Variants in CEP128 observed in about 807,000 individuals in gnomAD.
The protein encoded by CEP128 is centrosomal protein 128kDa.
CEP128 carries 132 observed loss-of-function variants against 156.7 expected under a neutral mutation model. That is an observed-to-expected ratio of 0.84 (90% CI 0.73 to 0.97). The LOEUF is 0.97. Ranked by LOEUF, CEP128 falls within the 50% of genes least tolerant of loss-of-function variation. The pLI, the probability that CEP128 is intolerant of heterozygous loss-of-function variation, is 0.00. For synonymous variants in CEP128, 469 were observed against 448.9 expected, an observed-to-expected ratio of 1.04 and a Z score of -0.57; for missense variants, 1,252 against 1,281.9, an observed-to-expected ratio of 0.98 and a Z score of 0.36.
intron 8 of CEP128, among the ~76,000 whole-genome samples, chr14:80,895,262 G>C (rs2139393917): frequency 6.6e-6 from 1 of 152,164 alleles, no homozygotes; most frequent in South Asian, 2.1e-4. Flanking sequence ...GACAAAAACA[G>C]ACAGCAAAGA....
At chr14:80,939,347 T>A (rs1307320880) in intron 2 of CEP128, 38 bp downstream of exon 2, 1 of 149,148 alleles carries the variant, frequency 6.7e-6, no homozygotes, top group East Asian at 2.0e-4. Flanking sequence ...ATGCAAAAAA[T>A]GTGTTATCTC....
chr14:80,556,999 T>C (rs1890465497), intron 21 of CEP128, among the ~76,000 whole-genome samples: 1 of 152,210 alleles, frequency 6.6e-6, no homozygotes, highest in Non-Finnish European at 1.5e-5. Flanking sequence ...AGCATTTTAA[T>C]TTTTATGGTT....
At chr14:80,935,664 A>AAAAAAAAAC (rs1885759252) in intron 2 of CEP128, among the ~76,000 whole-genome samples, 1 of 147,496 alleles carries the variant, frequency 6.8e-6, no homozygotes, top group East Asian at 1.9e-4. Context: ...AAAAAAAAAA[A>AAAAAAAAAC]AAAACAGAAC....
At chr14:80,875,987 G>A (rs181304005) in intron 8 of CEP128, among the ~76,000 whole-genome samples, 2 of 152,186 alleles carry the variant, frequency 1.3e-5, no homozygotes, top group African/African-American at 4.8e-5. Context: ...TTATGGAGTT[G>A]AGGTGCTATA....
chr14:80,617,043 T>G (rs561856035), intron 19 of CEP128, among the ~76,000 whole-genome samples: 1 of 152,122 alleles, frequency 6.6e-6, no homozygotes, highest in African/African-American at 2.4e-5. Flanking sequence ...CTTCTGATAG[T>G]TGGGCTAGTA....
chr14:80,589,929 T>C (rs983987192), intron 19 of CEP128, among the ~76,000 whole-genome samples: 1 of 152,158 alleles, frequency 6.6e-6, no homozygotes, highest in Admixed American at 6.5e-5. Context: ...TTTAATATTA[T>C]ACCTTATTAA....
rs1555390012 is a variant in CEP128, at chr14:80,676,452, T to TTA, written c.2806+66622_2806+66623insTA. Among the ~76,000 whole-genome samples, 20 of 147,158 alleles carry TTA rather than the reference T, an allele frequency of 1.4e-4. No individual in the cohort carries two copies. The South Asian group carries it at 2.7e-3, about 20-fold the overall frequency. On this transcript the variant is annotated intron_variant, in intron 19 of 24. Transcript: ENST00000555265. ...ATTTCTATTAATTTGTGATTTTTTT[T>TTA]AAAAAAAAAATAATCAGATCATCTC...
intron 9 of CEP128, among the ~76,000 whole-genome samples, chr14:80,845,000 G>A (rs1216238746): frequency 2.0e-5 from 3 of 152,038 alleles, no homozygotes; most frequent in African/African-American, 4.8e-5. Context: ...GCTCTGTTTC[G>A]TGGACACAAT....
At chr14:80,726,065 T>C (rs1595292709) in intron 19 of CEP128, among the ~76,000 whole-genome samples, 1 of 149,502 alleles carries the variant, frequency 6.7e-6, no homozygotes, top group East Asian at 1.9e-4. Context: ...TCCTTCCCAA[T>C]ACCCAAATCC....
At chr14:80,596,842 A>AAAAAAAAAAATG (rs1555379468) in intron 19 of CEP128, among the ~76,000 whole-genome samples, 1 of 69,832 alleles carries the variant, frequency 1.4e-5, no homozygotes, top group African/African-American at 5.2e-5. Flanking sequence ...AAAAAAAAAA[A>AAAAAAAAAAATG]GGTGGGGGGG....
chr14:80,887,435 A>C (rs1888861678), intron 8 of CEP128, among the ~76,000 whole-genome samples: 1 of 152,172 alleles, frequency 6.6e-6, no homozygotes, highest in Non-Finnish European at 1.5e-5. Context: ...AGTCTCTCAG[A>C]CCACAGTGCA....
At chr14:80,623,185 C>T (rs1389365803) in intron 19 of CEP128, among the ~76,000 whole-genome samples, 7 of 151,704 alleles carry the variant, frequency 4.6e-5, no homozygotes, top group Non-Finnish European at 8.8e-5. Context: ...TGGAAATCAT[C>T]ATTCTCAGTA....
intron 10 of CEP128, among the ~76,000 whole-genome samples, chr14:80,838,943 C>T (rs1352755289): frequency 6.6e-6 from 1 of 151,980 alleles, no homozygotes; most frequent in African/African-American, 2.4e-5. Flanking sequence ...ACTAAAAATA[C>T]AAAAAATTAG....
chr14:80,617,179 G>A (rs1893248437), intron 19 of CEP128, among the ~76,000 whole-genome samples: 1 of 137,234 alleles, frequency 7.3e-6, no homozygotes, highest in South Asian at 2.4e-4. Flanking sequence ...TCTACTCTCT[G>A]ATCCATTGGG....
At chr14:80,731,903 G>A (rs1271093381) in intron 19 of CEP128, among the ~76,000 whole-genome samples, 1 of 152,068 alleles carries the variant, frequency 6.6e-6, no homozygotes, top group Non-Finnish European at 1.5e-5. Flanking sequence ...GCAGAAATAA[G>A]AATAAATCAA....
intron 8 of CEP128, among the ~76,000 whole-genome samples, chr14:80,869,039 T>C (rs1887906077): frequency 6.6e-6 from 1 of 151,912 alleles, no homozygotes; most frequent in Admixed American, 6.6e-5. Context: ...AGAAATACAA[T>C]AGTAGTTTTG....
chr14:80,605,014 T>C (rs1892723246), intron 19 of CEP128, among the ~76,000 whole-genome samples: 1 of 152,098 alleles, frequency 6.6e-6, no homozygotes, highest in Admixed American at 6.5e-5. Context: ...GTATGCAATA[T>C]GGTGAAAAAC....
intron 18 of CEP128, among the ~76,000 whole-genome samples, chr14:80,749,293 A>G (rs1038109118): frequency 3.9e-5 from 6 of 152,180 alleles, no homozygotes; most frequent in Non-Finnish European, 5.9e-5. Flanking sequence ...TATATACCCA[A>G]AAGAAAGGAA....
chr14:80,914,536 A>G (rs550426581), intron 3 of CEP128, 128 bp from the exon 4 acceptor site: 3 of 664,238 alleles, frequency 4.5e-6, no homozygotes, highest in East Asian at 2.8e-5. Context: ...GCTGAGTTGA[A>G]TATCAATGTA....
Sources: allele counts gnomAD v4.1 joint callset (sites outside exome capture counted in the v4.1 genomes callset), GRCh38; gene constraint gnomAD v4.1.1; transcripts MANE v1.5; gene names NCBI Gene and HGNC (gene_info 2026-07-23, HGNC 2026-07-21).